Variants in PLXNA4 observed in about 807,000 individuals in gnomAD.
PLXNA4 encodes the protein plexin A4.
A neutral mutation model predicts 191.8 loss-of-function variants in PLXNA4; 44 were observed. The observed-to-expected ratio is 0.23, with a 90% CI of 0.18 to 0.29. The LOEUF (loss-of-function observed/expected upper bound fraction) is 0.29, where lower values mean the gene tolerates loss of function less well. Ranked by LOEUF, PLXNA4 falls within the 10% of genes least tolerant of loss-of-function variation. The pLI is 1.00. For missense variants in PLXNA4, 1,800 were observed against 2,488.8 expected, an observed-to-expected ratio of 0.72 and a Z score of 5.89; for synonymous variants, 1,082 against 1,009.5, an observed-to-expected ratio of 1.07 and a Z score of -1.36.
At chr7:132,214,810 C>G (rs977943846) in intron 9 of PLXNA4, among the ~76,000 whole-genome samples, 1 of 152,266 alleles carries the variant, frequency 6.6e-6, no homozygotes, top group African/African-American at 2.4e-5. Context: ...CCCCACTCCT[C>G]GGCTAGTTTC....
intron 2 of PLXNA4, among the ~76,000 whole-genome samples, chr7:132,587,926 AT>A (rs1482427251): frequency 2.2e-4 from 33 of 151,112 alleles, no homozygotes; most frequent in Non-Finnish European, 3.5e-4. Flanking sequence ...TGGTTTTCAA[AT>A]CTTCTTCCCA....
intron 3 of PLXNA4, among the ~76,000 whole-genome samples, chr7:132,437,261 C>A (rs540803957): frequency 1.3e-5 from 2 of 152,168 alleles, no homozygotes; most frequent in Non-Finnish European, 2.9e-5. Flanking sequence ...CAGAACATGG[C>A]GCATAGGAAG....
chr7:132,572,884 C>G (rs1412660384), intron 1 of PLXNA4, among the ~76,000 whole-genome samples: 1 of 152,222 alleles, frequency 6.6e-6, no homozygotes, highest in African/African-American at 2.4e-5. Context: ...GCCAATTACC[C>G]TAATCATGTG....
chr7:132,168,574 T>A lies in PLXNA4; in HGVS notation c.4018-2A>T. ...ACGCTCCTGCCGGTAGCCCGGGACC[T>A]GCAGAGAGACCTAGGAGTCGTGATG... On this transcript the variant is annotated splice_acceptor_variant, in intron 21 of 31. Transcript: ENST00000321063. LOFTEE classifies it high-confidence loss of function. 1 of 1,572,998 alleles carries A rather than the reference T, an allele frequency of 6.4e-7. No individual in the cohort carries two copies. Among genetic ancestry groups the A allele is most frequent in the Non-Finnish European group, 8.6e-7 (1 of 1,157,910 alleles).
intron 4 of PLXNA4, among the ~76,000 whole-genome samples, chr7:132,293,912 G>A (rs563364431): frequency 6.6e-6 from 1 of 152,178 alleles, no homozygotes. Flanking sequence ...GCTCTCTTGA[G>A]CCCAGATCCA....
intron 2 of PLXNA4, among the ~76,000 whole-genome samples, chr7:132,621,408 A>T (rs550969413): frequency 2.0e-5 from 3 of 151,978 alleles, no homozygotes; most frequent in East Asian, 3.9e-4. Flanking sequence ...CTACAGGCGC[A>T]TGCCACCATG....
chr7:132,466,411 C>T (rs1028695840), intron 3 of PLXNA4, among the ~76,000 whole-genome samples: 2 of 152,156 alleles, frequency 1.3e-5, no homozygotes, highest in African/African-American at 2.4e-5. Flanking sequence ...TTATCCTGTC[C>T]GGACCTCAGT....
At chr7:132,464,332 C>T (rs1402889145) in intron 3 of PLXNA4, among the ~76,000 whole-genome samples, 1 of 152,118 alleles carries the variant, frequency 6.6e-6, no homozygotes, top group Non-Finnish European at 1.5e-5. Flanking sequence ...CTCTTCTGTC[C>T]TCAGTCACCA....
chr7:132,193,148 A>G (rs534005406), intron 14 of PLXNA4, among the ~76,000 whole-genome samples: 25 of 152,338 alleles, frequency 1.6e-4, no homozygotes, highest in Non-Finnish European at 2.9e-4. Context: ...AGAGGTGATT[A>G]GTTTATAAGG....
chr7:132,241,268 T>A (rs1798867351), intron 4 of PLXNA4, 102 bp from the exon 5 acceptor site: 5 of 792,448 alleles, frequency 6.3e-6, no homozygotes, highest in Non-Finnish European at 9.9e-6. Flanking sequence ...TCACCTGAAA[T>A]GTTGCAGGAG....
At chr7:132,369,222 G>A (rs551520194) in intron 3 of PLXNA4, among the ~76,000 whole-genome samples, 1 of 152,322 alleles carries the variant, frequency 6.6e-6, no homozygotes, top group Non-Finnish European at 1.5e-5. Flanking sequence ...GGACTAAGCT[G>A]AGTGGCCTAA....
intron 3 of PLXNA4, among the ~76,000 whole-genome samples, chr7:132,307,329 C>T (rs1801563354): frequency 6.6e-6 from 1 of 152,198 alleles, no homozygotes; most frequent in Non-Finnish European, 1.5e-5. Flanking sequence ...TTCTGACATA[C>T]TGTGTCCTGC....
chr7:132,181,956 C>G (rs1263982370), intron 17 of PLXNA4, 141 bp downstream of exon 17: 2 of 1,365,654 alleles, frequency 1.5e-6, no homozygotes, highest in Admixed American at 4.0e-5. Flanking sequence ...ATTCCACTAT[C>G]CTAGTATTCA....
chr7:132,605,696 A>G (rs536717848), intron 2 of PLXNA4, among the ~76,000 whole-genome samples: 1 of 149,766 alleles, frequency 6.7e-6, no homozygotes. Flanking sequence ...TTGTGAATGT[A>G]ATCTTATTTG....
chr7:132,507,194 C>A (rs899163033), intron 2 of PLXNA4, among the ~76,000 whole-genome samples: 1 of 152,144 alleles, frequency 6.6e-6, no homozygotes, highest in African/African-American at 2.4e-5. Context: ...CCGGTCCCTA[C>A]GACATCCATT....
At position 132,478,757 on chromosome 7, in the gene PLXNA4, C is replaced by T. The variant is rs150750400; in HGVS notation, c.1371+10535G>A. Among the ~76,000 whole-genome samples the T allele has an allele frequency of 2.2e-4, 33 of 152,202 alleles. No individual in the cohort carries two copies. In the East Asian group the frequency reaches 5.4e-3, roughly 25 times the overall value. ...TTTGGATGCAATGATGAGGGCAGGTCGTCAGGTGGCTTCAACATCATTCTG... is the reference window on the plus strand; with the variant it reads ...TTTGGATGCAATGATGAGGGCAGGTTGTCAGGTGGCTTCAACATCATTCTG... On this transcript the variant is annotated intron_variant, in intron 3 of 31. Transcript: ENST00000321063.
chr7:132,637,238 C>T (rs188441784), intron 2 of PLXNA4, among the ~76,000 whole-genome samples: 57 of 152,302 alleles, frequency 3.7e-4, no homozygotes, highest in African/African-American at 1.3e-3. Context: ...ATCCTTCCCC[C>T]TTTCCGTGGC....
chr7:132,476,033 G>T (rs1317814413), intron 3 of PLXNA4, among the ~76,000 whole-genome samples: 1 of 152,208 alleles, frequency 6.6e-6, no homozygotes, highest in Non-Finnish European at 1.5e-5. Flanking sequence ...GGCTCTGCCG[G>T]TTCCTATGCT....
At chr7:132,237,628 C>T (rs1180795224) in intron 5 of PLXNA4, among the ~76,000 whole-genome samples, 1 of 152,130 alleles carries the variant, frequency 6.6e-6, no homozygotes, top group Non-Finnish European at 1.5e-5. Context: ...CCTCAGGTCA[C>T]GGACATAACC....
Sources: gnomAD v4.1 joint callset for allele counts (sites outside exome capture counted in the v4.1 genomes callset) on GRCh38, gnomAD v4.1.1 for gene constraint, MANE v1.5 for transcripts, NCBI Gene and HGNC (gene_info 2026-07-23, HGNC 2026-07-21) for gene names.